Variants in SGO2 observed in about 807,000 individuals in gnomAD.
The protein encoded by SGO2 is shugoshin 2.
SGO2 carries 68 observed loss-of-function variants against 99.5 expected under a neutral mutation model. That is an observed-to-expected ratio of 0.68 (90% CI 0.56 to 0.84). SGO2 has a LOEUF of 0.84. SGO2 is among the 40% of genes least tolerant of loss of function. SGO2 has a pLI of 0.00. For missense variants in SGO2, 1,350 were observed against 1,436.7 expected (o/e 0.94, Z 0.97); for synonymous variants, 457 against 487.1 (o/e 0.94, Z 0.81).
chr2:200,534,299 A>G (rs2031582259), intron 2 of SGO2, among the ~76,000 whole-genome samples: 1 of 152,202 alleles, frequency 6.6e-6, no homozygotes, highest in South Asian at 2.1e-4. Flanking sequence ...ATTCACAATG[A>G]AATTTCTTTG....
intron 5 of SGO2, among the ~76,000 whole-genome samples, chr2:200,565,308 C>T (rs959134423): frequency 3.9e-5 from 6 of 152,132 alleles, no homozygotes; most frequent in Non-Finnish European, 8.8e-5. Flanking sequence ...TTTTATTTCT[C>T]CTTCACTTAT....
chr2:200,556,231 G>T (rs1329083163), intron 5 of SGO2, among the ~76,000 whole-genome samples: 1 of 152,178 alleles, frequency 6.6e-6, no homozygotes, highest in Non-Finnish European at 1.5e-5. Flanking sequence ...CTCCCAAAGT[G>T]CTGGGATTAC....
intron 5 of SGO2, among the ~76,000 whole-genome samples, chr2:200,545,188 G>T (rs1012108667): frequency 3.3e-5 from 5 of 151,940 alleles, no homozygotes; most frequent in Admixed American, 6.6e-5. Flanking sequence ...TATACTTTTT[G>T]TAGAGACAGG....
rs560923519 is a variant in SGO2, at chr2:200,580,094, T to C, written c.3783-3355T>C. ...GTTCCTTAATAACGTTGACTGTTTT[T>C]TGTGTGTATGAAAATTAGTCTGTTT... On this transcript the variant is annotated intron_variant, in intron 8 of 8. Coordinates refer to ENST00000357799, the MANE Select transcript of SGO2 (RefSeq NM_152524.6). Among the ~76,000 whole-genome samples the C allele has an allele frequency of 5.3e-5, 8 of 152,274 alleles. No individual in the cohort carries two copies. The South Asian group carries it at 1.7e-3, about 32-fold the overall frequency.
chr2:200,539,507 C>A (rs1341931069), intron 4 of SGO2, among the ~76,000 whole-genome samples: 1 of 151,534 alleles, frequency 6.6e-6, no homozygotes, highest in Non-Finnish European at 1.5e-5. Flanking sequence ...ACATTTTTTG[C>A]TTTTATTTTT....
rs916508942 is a variant in SGO2 at position 200,539,084 on chromosome 2, G to T, written c.387+2942G>T. Reference sequence around the variant, plus strand: ...TTAAAAGTGATACAGTATTATAATTGTTTTTCTTTAAAGGTTTTGTAGAAT... The same window carrying T: ...TTAAAAGTGATACAGTATTATAATTTTTTTTCTTTAAAGGTTTTGTAGAAT... On this transcript the variant is annotated intron_variant, in intron 4 of 8. Coordinates refer to ENST00000357799, the MANE Select transcript of SGO2 (RefSeq NM_152524.6). Among the ~76,000 whole-genome samples the T allele has an allele frequency of 1.2e-4, 18 of 151,956 alleles. 1 individual carries two copies. Among genetic ancestry groups the T allele is most frequent in the Non-Finnish European group, 2.4e-4 (16 of 67,950 alleles).
At chr2:200,557,239 C>T (rs1234997359) in intron 5 of SGO2, among the ~76,000 whole-genome samples, 1 of 152,198 alleles carries the variant, frequency 6.6e-6, no homozygotes, top group Non-Finnish European at 1.5e-5. Context: ...CTCTAACCCT[C>T]ATAAGTTGGG....
At chr2:200,568,757 C>T (rs2033286585) in intron 5 of SGO2, among the ~76,000 whole-genome samples, 1 of 152,134 alleles carries the variant, frequency 6.6e-6, no homozygotes, top group South Asian at 2.1e-4. Flanking sequence ...TGTTGGCACC[C>T]CCTTCGCTAG....
chr2:200,569,802 G>C lies in SGO2; in HGVS notation c.613G>C (p.Glu205Gln). 6.2e-7 allele frequency: 1 copy of C among 1,610,444 alleles called. No individual in the cohort carries two copies. Residue 205 changes from glutamate to glutamine, a missense_variant, in exon 6 of 9, where the codon GAA (glutamate) becomes CAA (glutamine). Transcript: ENST00000357799. Reference protein sequence around the residue: ...TQPLSTQDNSEVLFLKENNQN... With the variant: ...TQPLSTQDNSQVLFLKENNQN... Reference sequence around the variant, plus strand: ...ACCTTTATCAACTCAGGATAATTCGGAAGTGTTATTTCTTAAAGAAAATAA... The same window carrying C: ...ACCTTTATCAACTCAGGATAATTCGCAAGTGTTATTTCTTAAAGAAAATAA...
chr2:200,534,178 C>T (rs887439265), intron 2 of SGO2, among the ~76,000 whole-genome samples: 3 of 152,068 alleles, frequency 2.0e-5, no homozygotes, highest in Non-Finnish European at 2.9e-5. Flanking sequence ...GACTTTTATT[C>T]AGTGGCATAT....
chr2:200,575,646 G>A (rs557694222), intron 8 of SGO2, among the ~76,000 whole-genome samples, 185 bp downstream of exon 8: 12 of 152,216 alleles, frequency 7.9e-5, no homozygotes, highest in African/African-American at 2.6e-4. Flanking sequence ...ATTTTTGGGG[G>A]GTTGGAGAAT....
intron 1 of SGO2, among the ~76,000 whole-genome samples, chr2:200,528,212 A>T (rs538668934): frequency 5.5e-4 from 84 of 152,302 alleles, no homozygotes; most frequent in African/African-American, 1.9e-3. Context: ...AGTTTTTTTT[A>T]ACATGGGAGT....
At position 200,549,873 on chromosome 2, in the gene SGO2, G is replaced by A. The variant is rs375815415; in HGVS notation, c.473+7209G>A. 2.0e-5 allele frequency among the ~76,000 whole-genome samples: 3 copies of A among 152,158 alleles called. No individual in the cohort carries two copies. In the South Asian group the frequency reaches 6.2e-4, roughly 32 times the overall value. ...CATAATACTTGAAGTACTGGCCAGA[G>A]CAACTAAGCAAGAAAACAAAATAAA... On this transcript the variant is annotated intron_variant, in intron 5 of 8. Coordinates refer to ENST00000357799, the MANE Select transcript of SGO2 (RefSeq NM_152524.6).
chr2:200,572,136 CT>C lies in SGO2; in HGVS notation c.1791del (p.Asp598IlefsTer19), dbSNP rs748317941. 1 of 1,612,762 alleles carries C rather than the reference CT, an allele frequency of 6.2e-7. No homozygotes were observed. The highest frequency in any genetic ancestry group is 1.1e-5 in the South Asian group (1 of 90,704). ...ATATTGGATTTGAAAAAGTATGTCA[CT>C]GATATTCAACCCTCAGAGCAAAATG... ...HNILDLKKYV[T>X]DIQPSEQNES... On this transcript the variant is annotated frameshift_variant, in exon 7 of 9. Coordinates refer to ENST00000357799, the MANE Select transcript of SGO2 (RefSeq NM_152524.6). LOFTEE classifies it high-confidence loss of function.
intron 5 of SGO2, among the ~76,000 whole-genome samples, chr2:200,548,485 A>G (rs2032334350): frequency 6.6e-6 from 1 of 152,186 alleles, no homozygotes; most frequent in African/African-American, 2.4e-5. Flanking sequence ...AGGGAAGTTT[A>G]TAGCAATAAA....
intron 5 of SGO2, among the ~76,000 whole-genome samples, chr2:200,551,005 A>G (rs1051559280): frequency 6.7e-6 from 1 of 149,822 alleles, no homozygotes; most frequent in Non-Finnish European, 1.5e-5. Flanking sequence ...AAAAAAAAAG[A>G]AAAAAGGGGA....
chr2:200,583,187 GA>G (rs1455490635), intron 8 of SGO2, among the ~76,000 whole-genome samples: 3 of 152,042 alleles, frequency 2.0e-5, no homozygotes, highest in Non-Finnish European at 4.4e-5. Flanking sequence ...TAACAAAAAG[GA>G]ACTATGTAAT....
chr2:200,572,080 T>C lies in SGO2; in HGVS notation c.1734T>C (p.Asn578=). The change falls in exon 7 of 9, where the codon AAT becomes AAC. Residue 578 remains asparagine (N), a synonymous_variant. Coordinates refer to ENST00000357799, the MANE Select transcript of SGO2 (RefSeq NM_152524.6). ...CAGCCAATCTTTCCACCAAAGATAATGGAAATTTATGTGATTATGGGACCC... is the reference window on the plus strand; with the variant it reads ...CAGCCAATCTTTCCACCAAAGATAACGGAAATTTATGTGATTATGGGACCC... ...FHTANLSTKD[N]GNLCDYGTHN... is the part of the protein sequence containing the mutation. 6.2e-7 allele frequency: 1 copy of C among 1,613,412 alleles called. No homozygotes were observed. The highest frequency in any genetic ancestry group is 2.2e-5 in the East Asian group (1 of 44,848).
intron 4 of SGO2, among the ~76,000 whole-genome samples, chr2:200,540,871 A>G (rs1464126971): frequency 1.3e-5 from 2 of 152,290 alleles, no homozygotes; most frequent in East Asian, 3.9e-4. Flanking sequence ...ATACAGGGTA[A>G]TTTATTGTTT....
Sources: allele counts gnomAD v4.1 joint callset (sites outside exome capture counted in the v4.1 genomes callset), GRCh38; gene constraint gnomAD v4.1.1; transcripts MANE v1.5; gene names NCBI Gene and HGNC (gene_info 2026-07-23, HGNC 2026-07-21).